Variants in DMXL2 observed in about 807,000 individuals in gnomAD.
DMXL2 encodes Dmx like 2, also known as dmX-like protein 2.
Under a neutral mutation model 331.1 loss-of-function variants are expected in DMXL2, and 103 were observed. That is an observed-to-expected ratio of 0.31 (90% CI 0.27 to 0.37). The LOEUF (loss-of-function observed/expected upper bound fraction) is 0.37, where lower values mean the gene tolerates loss of function less well. Ranked by LOEUF, DMXL2 falls within the 10% of genes least tolerant of loss-of-function variation. The pLI, the probability that DMXL2 is intolerant of heterozygous loss-of-function variation, is 1.00. For synonymous variants in DMXL2, 1,281 were observed against 1,252.1 expected (o/e 1.02, Z -0.49); for missense variants, 3,171 against 3,642.9 (o/e 0.87, Z 3.33).
At chr15:51,449,360 C>CGATTCATTTACTGTCCT (rs1374913109) in intron 43 of DMXL2, among the ~76,000 whole-genome samples, 167 bp from the exon 44 acceptor site, 2 of 152,192 alleles carry the variant, frequency 1.3e-5, no homozygotes, top group Non-Finnish European at 2.9e-5. Context: ...ACCACTCCCA[C>CGATTCATTTACTGTCCT]GATTCATTTA....
At chr15:51,473,178 A>T (rs1365472007) in intron 28 of DMXL2, among the ~76,000 whole-genome samples, 1 of 152,172 alleles carries the variant, frequency 6.6e-6, no homozygotes, top group African/African-American at 2.4e-5. Context: ...TATGTCTTCC[A>T]ACCACCTTAA....
chr15:51,460,777 GT>G (rs1419379909), intron 33 of DMXL2, among the ~76,000 whole-genome samples: 1 of 151,942 alleles, frequency 6.6e-6, no homozygotes, highest in East Asian at 1.9e-4. Flanking sequence ...CTAACGACGA[GT>G]TTTTATTTTG....
intron 15 of DMXL2, 33 bp from the exon 16 acceptor site, chr15:51,507,286 G>C: frequency 6.3e-7 from 1 of 1,584,194 alleles, no homozygotes; most frequent in South Asian, 1.2e-5. Context: ...ATTTAAATTA[G>C]TATGTTTTTA....
intron 13 of DMXL2, among the ~76,000 whole-genome samples, chr15:51,520,174 C>T (rs1445501576): frequency 6.6e-6 from 1 of 152,186 alleles, no homozygotes; most frequent in African/African-American, 2.4e-5. Flanking sequence ...TTGCTGTTAT[C>T]TCTACCTGAA....
chr15:51,467,424 A>G (rs1942696444), intron 29 of DMXL2, among the ~76,000 whole-genome samples: 1 of 152,176 alleles, frequency 6.6e-6, no homozygotes, highest in South Asian at 2.1e-4. Flanking sequence ...AAGTATCCAG[A>G]AAAAGGAAAA....
rs748689227 is a variant in DMXL2 at position 51,480,657 on chromosome 15, T to C, written c.6449A>G (p.Lys2150Arg). ...HAERRKSWLQ[K>R]NQDLLRVFLS... ...AAATACTCTCAGGAGATCTTGGTTT[T>C]TCTGCAACCACGACTTTCGTCTTTC... is the stretch of plus-strand genomic sequence containing the variant. Residue 2150 changes from lysine to arginine, a missense_variant, in exon 24 of 44, where the codon AAA (lysine) becomes AGA (arginine). Physicochemically the swap from Lys to Arg is conservative, Grantham distance 26. Coordinates refer to ENST00000560891, the MANE Select transcript of DMXL2 (RefSeq NM_001378457.1). 20 of 1,612,766 alleles carry C rather than the reference T, an allele frequency of 1.2e-5. No homozygotes were observed. The highest frequency in any genetic ancestry group is 1.7e-5 in the Non-Finnish European group (20 of 1,179,020).
intron 1 of DMXL2, among the ~76,000 whole-genome samples, chr15:51,612,013 T>C (rs2054004203): frequency 6.6e-6 from 1 of 152,180 alleles, no homozygotes. Context: ...CAGTAAACCT[T>C]GCTACCACTC....
chr15:51,497,928 T>C (rs968710151), intron 18 of DMXL2, among the ~76,000 whole-genome samples: 1 of 152,112 alleles, frequency 6.6e-6, no homozygotes, highest in Admixed American at 6.6e-5. Context: ...GGGATCAATC[T>C]GTGTTAAAAA....
chr15:51,565,003 TA>T, intron 4 of DMXL2, 84 bp downstream of exon 4: 1 of 797,596 alleles, frequency 1.3e-6, no homozygotes, highest in Non-Finnish European at 1.8e-6. Context: ...ATCATTTTCT[TA>T]TTATGGGAGA....
chr15:51,481,654 G>A (rs772609051), intron 23 of DMXL2, 31 bp from the exon 24 acceptor site: 1 of 1,504,146 alleles, frequency 6.6e-7, no homozygotes, highest in Non-Finnish European at 8.9e-7. Flanking sequence ...AAATCACAAA[G>A]CATTGTGTTA....
intron 1 of DMXL2, among the ~76,000 whole-genome samples, chr15:51,599,887 G>C (rs1159337944): frequency 2.0e-5 from 3 of 152,090 alleles, no homozygotes. Flanking sequence ...TTTTAGTAGA[G>C]ACAGGGTTTC....
chr15:51,486,455 C>T, intron 22 of DMXL2, 118 bp from the exon 23 acceptor site: 1 of 778,632 alleles, frequency 1.3e-6, no homozygotes, highest in Admixed American at 2.8e-5. Context: ...GGCGAAGGGA[C>T]AGTGAAGGGT....
In DMXL2 at chr15:51,474,565, C is replaced by T; in HGVS notation, c.6992G>A (p.Ser2331Asn). The change falls in exon 28 of 44, where the codon AGT (serine) becomes AAT (asparagine). Residue 2331 changes from serine (S) to asparagine (N), a missense_variant. This residue lies in a region of DMXL2 where 766 missense variants were observed against 940.5 expected (regional missense o/e 0.81). Transcript: ENST00000560891. ...PGVSSLINLL[S>N]SAQDEDQPKL... ...TGGCTGGTCTTCATCTTGGGCTGAA[C>T]TCAAAAGATTAATAAGTGAGCTCAC... The T allele has an allele frequency of 6.2e-7, 1 of 1,613,922 alleles. No homozygotes were observed. Among genetic ancestry groups the T allele is most frequent in the Non-Finnish European group, 8.5e-7 (1 of 1,179,924 alleles).
At chr15:51,579,085 A>G (rs908232823) in intron 1 of DMXL2, among the ~76,000 whole-genome samples, 2 of 152,168 alleles carry the variant, frequency 1.3e-5, no homozygotes, top group East Asian at 3.8e-4. Flanking sequence ...AGCCTGGGTG[A>G]CTAAGTGAGA....
intron 1 of DMXL2, among the ~76,000 whole-genome samples, chr15:51,606,984 C>A (rs1310793978): frequency 6.6e-6 from 1 of 151,960 alleles, no homozygotes; most frequent in African/African-American, 2.4e-5. Flanking sequence ...ATGGCGAAAC[C>A]CTGTCCCTAC....
At chr15:51,576,217 T>C (rs763358809) in intron 1 of DMXL2, 36 bp from the exon 2 acceptor site, 5 of 1,149,702 alleles carry the variant, frequency 4.3e-6, no homozygotes, top group East Asian at 3.5e-5. Flanking sequence ...TTACAATACA[T>C]AAGATATGTA....
chr15:51,466,098 T>G (rs2040544664), intron 30 of DMXL2, 86 bp downstream of exon 30: 1 of 1,083,568 alleles, frequency 9.2e-7, no homozygotes, highest in African/African-American at 1.7e-5. Context: ...TTCAGGATAA[T>G]AATGTTATTT....
intron 1 of DMXL2, among the ~76,000 whole-genome samples, chr15:51,620,708 T>C (rs748971696): frequency 6.6e-6 from 1 of 152,192 alleles, no homozygotes; most frequent in Non-Finnish European, 1.5e-5. Flanking sequence ...GTTAAGGATA[T>C]GAAAAGGAGT....
At chr15:51,462,461 G>A (rs189084197) in intron 33 of DMXL2, among the ~76,000 whole-genome samples, 5 of 152,030 alleles carry the variant, frequency 3.3e-5, no homozygotes, top group East Asian at 1.9e-4. Flanking sequence ...TCAACCTCCC[G>A]AGCAGCTGGG....
Sources: gnomAD v4.1 joint callset for allele counts (sites outside exome capture counted in the v4.1 genomes callset) on GRCh38, gnomAD v4.1.1 for gene constraint, gnomAD v4.1.1 regional missense constraint, MANE v1.5 for transcripts, NCBI Gene and HGNC (gene_info 2026-07-23, HGNC 2026-07-21) for gene names.